TEX29: variants seen among roughly 807,000 people sequenced by gnomAD.
The protein encoded by TEX29 is testis expressed 29, also known as testis-expressed protein 29.
TEX29 carries 26 observed loss-of-function variants against 18.2 expected under a neutral mutation model. The observed-to-expected ratio is 1.43, with a 90% CI of 1.04 to 1.98. The LOEUF (loss-of-function observed/expected upper bound fraction) is 1.98. Among genes scored for constraint, TEX29 ranks in the 30% most tolerant of loss-of-function variants. The probability of loss-of-function intolerance (pLI) is 0.00; values close to 1 mark genes in which losing one functional copy is unlikely to be tolerated. For missense variants in TEX29, 177 were observed against 194.2 expected, an observed-to-expected ratio of 0.91 and a Z score of 0.53; for synonymous variants, 83 against 78.5, an observed-to-expected ratio of 1.06 and a Z score of -0.31.
chr13:111,324,495 G>A (rs1052654686), intron 2 of TEX29, among the ~76,000 whole-genome samples: 1 of 152,180 alleles, frequency 6.6e-6, no homozygotes, highest in Non-Finnish European at 1.5e-5. Flanking sequence ...CTGCTTCATC[G>A]GGAAACGAGG....
chr13:111,342,621 A>G (rs1050065116), intron 4 of TEX29, 135 bp from the exon 5 acceptor site: 30 of 770,628 alleles, frequency 3.9e-5, no homozygotes, highest in Non-Finnish European at 6.0e-5. Context: ...ACATCAAAGC[A>G]TTTACCTTAA....
At chr13:111,326,651 G>T (rs537877354) in intron 2 of TEX29, among the ~76,000 whole-genome samples, 1 of 148,424 alleles carries the variant, frequency 6.7e-6, no homozygotes, top group East Asian at 2.0e-4. Context: ...GGCAGTGCGA[G>T]CCTGTCTGGT....
intron 4 of TEX29, among the ~76,000 whole-genome samples, chr13:111,340,182 ACC>A (rs2093695763): frequency 6.8e-6 from 1 of 147,878 alleles, no homozygotes; most frequent in African/African-American, 2.5e-5. Flanking sequence ...GAAAATCATA[ACC>A]CATGTTTAGT....
At chr13:111,316,265 T>C (rs1256431907), upstream of TEX29, 3 of 498,358 alleles carry the variant, frequency 6.0e-6, no homozygotes, top group East Asian at 1.7e-4. Flanking sequence ...TCAGTAAGTA[T>C]CTGTTGGATG....
In TEX29 at chr13:111,331,316, A is replaced by AT. The variant is rs56208500; in HGVS notation, c.169+3043dup. On this transcript the variant is annotated intron_variant, in intron 3 of 5. Transcript: ENST00000283547. ...GAATAATGATGTTCACCATTGTTGC[A>AT]TTTTTTTTTTTTTTTTTTTTGGCTA... Among the ~76,000 whole-genome samples, 812 of 130,978 alleles carry AT rather than the reference A, an allele frequency of 6.2e-3. 9 individuals are homozygous for AT. The highest frequency in any genetic ancestry group is 0.018 in the African/African-American group (619 of 35,168). 85.9% of individuals were successfully genotyped at this position (130,978 alleles called of 152,430 possible).
At chr13:111,329,707 A>T (rs563241930) in intron 3 of TEX29, among the ~76,000 whole-genome samples, 1 of 152,190 alleles carries the variant, frequency 6.6e-6, no homozygotes, top group South Asian at 2.1e-4. Flanking sequence ...TTAGGCTGGG[A>T]AGAGGGGCTT....
intron 3 of TEX29, among the ~76,000 whole-genome samples, chr13:111,336,034 T>C (rs893893420): frequency 6.6e-6 from 1 of 152,228 alleles, no homozygotes; most frequent in Non-Finnish European, 1.5e-5. Context: ...TTAATCCCTA[T>C]AGCAGCTTCA....
At chr13:111,330,142 T>G (rs2093680513) in intron 3 of TEX29, among the ~76,000 whole-genome samples, 2 of 152,192 alleles carry the variant, frequency 1.3e-5, no homozygotes, top group African/African-American at 4.8e-5. Context: ...AAAAAAAGTT[T>G]TAAAACTCAT....
At chr13:111,334,687 C>T (rs2093687161) in intron 3 of TEX29, among the ~76,000 whole-genome samples, 1 of 152,216 alleles carries the variant, frequency 6.6e-6, no homozygotes. Flanking sequence ...CAACTGCTAA[C>T]CAACACTTTA....
At chr13:111,339,811 T>G (rs2093694819) in intron 3 of TEX29, 52 bp from the exon 4 acceptor site, 9 of 1,593,510 alleles carry the variant, frequency 5.6e-6, no homozygotes, top group African/African-American at 1.3e-5. Flanking sequence ...TTCATCTTCT[T>G]CCTTTTCTAT....
chr13:111,320,978 T>TGGGGGGG, intron 2 of TEX29, 30 bp downstream of exon 2: 1 of 152,324 alleles, frequency 6.6e-6, no homozygotes, highest in Non-Finnish European at 1.1e-5. Flanking sequence ...GGGGGGCGGG[T>TGGGGGGG]GGGGTGGGGG....
chr13:111,336,619 T>C (rs2093689971), intron 3 of TEX29, among the ~76,000 whole-genome samples: 1 of 152,052 alleles, frequency 6.6e-6, no homozygotes, highest in African/African-American at 2.4e-5. Flanking sequence ...TCCAAGTATC[T>C]GACTTCAGTT....
At chr13:111,329,299 G>A (rs1274864183) in intron 3 of TEX29, among the ~76,000 whole-genome samples, 1 of 152,046 alleles carries the variant, frequency 6.6e-6, no homozygotes, top group African/African-American at 2.4e-5. Flanking sequence ...ACAGCTCTAG[G>A]CTTCCTTGGA....
chr13:111,332,076 C>A (rs1253901889), intron 3 of TEX29, among the ~76,000 whole-genome samples: 4 of 152,114 alleles, frequency 2.6e-5, no homozygotes, highest in Admixed American at 6.5e-5. Flanking sequence ...TCAATTTCTG[C>A]AGAAAAGAGG....
At chr13:111,339,765 A>G in intron 3 of TEX29, 98 bp from the exon 4 acceptor site, 1 of 1,206,460 alleles carries the variant, frequency 8.3e-7, no homozygotes, top group Non-Finnish European at 1.2e-6. Flanking sequence ...CCGCGCCGGG[A>G]GGGCCCGCAC....
chr13:111,339,129 G>A (rs1279841614), intron 3 of TEX29, among the ~76,000 whole-genome samples: 2 of 152,198 alleles, frequency 1.3e-5, no homozygotes, highest in Non-Finnish European at 2.9e-5. Flanking sequence ...GGGAAACCCA[G>A]GGTGGCGGGG....
chr13:111,326,513 G>A (rs539824159), intron 2 of TEX29, among the ~76,000 whole-genome samples: 2 of 110,622 alleles, frequency 1.8e-5, no homozygotes, highest in African/African-American at 3.2e-5. Context: ...AGGAGACCAC[G>A]GGCAGCGCGA....
intron 3 of TEX29, among the ~76,000 whole-genome samples, chr13:111,336,323 C>A (rs1399467524): frequency 6.6e-6 from 1 of 152,214 alleles, no homozygotes; most frequent in African/African-American, 2.4e-5. Context: ...ACATCTTTCT[C>A]ATTCAAAACG....
intron 2 of TEX29, among the ~76,000 whole-genome samples, chr13:111,327,611 G>A (rs1343932560): frequency 1.3e-5 from 2 of 152,192 alleles, no homozygotes; most frequent in Non-Finnish European, 2.9e-5. Context: ...ACATGTGTGA[G>A]GCTGCTGAAC....
Sources: allele counts gnomAD v4.1 joint callset (sites outside exome capture counted in the v4.1 genomes callset), GRCh38; gene constraint gnomAD v4.1.1; transcripts MANE v1.5; gene names NCBI Gene and HGNC (gene_info 2026-07-23, HGNC 2026-07-21).